TRAK1: variants seen among roughly 807,000 people sequenced by gnomAD.
TRAK1 encodes trafficking kinesin protein 1, also known as trafficking kinesin-binding protein 1.
Under a neutral mutation model 92.1 loss-of-function variants are expected in TRAK1, and 33 were observed. The ratio of observed to expected loss-of-function variants is 0.36; its 90% CI spans 0.27 to 0.48. TRAK1 has a LOEUF of 0.48. Ranked by LOEUF, TRAK1 falls within the 20% of genes least tolerant of loss-of-function variation. The probability of loss-of-function intolerance (pLI) is 0.99; values close to 1 mark genes in which losing one functional copy is unlikely to be tolerated. For missense variants in TRAK1, 1,123 were observed against 1,257.9 expected (o/e 0.89, Z 1.62); for synonymous variants, 521 against 517.3 (o/e 1.01, Z -0.10).
chr3:42,096,306 G>T (rs1705903081), intron 1 of TRAK1, among the ~76,000 whole-genome samples: 1 of 152,160 alleles, frequency 6.6e-6, no homozygotes, highest in Admixed American at 6.5e-5. Flanking sequence ...AGGCTGGAGT[G>T]TAGTAGTGTG....
At chr3:42,199,451 T>C (rs994414831) in intron 11 of TRAK1, among the ~76,000 whole-genome samples, 198 bp downstream of exon 11, 15 of 152,190 alleles carry the variant, frequency 9.9e-5, no homozygotes, top group African/African-American at 3.4e-4. Flanking sequence ...TTAGTGTTAA[T>C]TTTTATTTAT....
intron 1 of TRAK1, among the ~76,000 whole-genome samples, chr3:42,115,135 A>G (rs1709009487): frequency 6.6e-6 from 1 of 152,236 alleles, no homozygotes; most frequent in Non-Finnish European, 1.5e-5. Context: ...ATTCTCCTGG[A>G]GATTTAACTC....
chr3:42,037,067 A>G lies in TRAK1; in HGVS notation c.-519+22950A>G, dbSNP rs1353212345. On this transcript the variant is annotated intron_variant, in intron 1 of 16. Coordinates refer to the TRAK1 transcript ENST00000487159. ...GATCTCATACTCTTAGGCTCCAGCT[A>G]TCTTCCCACCTTGGCCTCCCAAAGC... Among the ~76,000 whole-genome samples, 7 of 152,142 alleles carry G rather than the reference A, an allele frequency of 4.6e-5. No homozygotes were observed. The South Asian group carries it at 6.2e-4, about 13-fold the overall frequency.
intron 11 of TRAK1, 28 bp from the exon 12 acceptor site, chr3:42,200,786 GCTCA>G: frequency 6.2e-7 from 1 of 1,609,350 alleles, no homozygotes; most frequent in Non-Finnish European, 8.5e-7. Flanking sequence ...GCCCGCATTT[GCTCA>G]CTCACGGATG....
At chr3:42,122,037 C>T (rs1559796073) in intron 1 of TRAK1, among the ~76,000 whole-genome samples, 1 of 152,028 alleles carries the variant, frequency 6.6e-6, no homozygotes, top group African/African-American at 2.4e-5. Flanking sequence ...AGTCAGGTCT[C>T]GAATTCCTGA....
intron 1 of TRAK1, among the ~76,000 whole-genome samples, chr3:42,043,485 C>T (rs903159066): frequency 6.6e-6 from 1 of 152,082 alleles, no homozygotes; most frequent in African/African-American, 2.4e-5. Flanking sequence ...CCTGCTCTGA[C>T]CTCATCCCCT....
In TRAK1 at chr3:42,055,150, C is replaced by T. The variant is rs1323309388; in HGVS notation, c.-518-31954C>T. ...GGCCAGGCTGGCCTCAAACTCCTGA[C>T]CTCAAGTGGTCTGTCCTCCTTGGCC... is the stretch of plus-strand genomic sequence containing the variant. On this transcript the variant is annotated intron_variant, in intron 1 of 16. Transcript: ENST00000487159. Among the ~76,000 whole-genome samples the T allele has an allele frequency of 6.6e-5, 10 of 151,986 alleles. 1 individual carries two copies. The highest frequency in any genetic ancestry group is 5.2e-4 in the Admixed American group (8 of 15,248).
At position 42,223,869 on chromosome 3, in the gene TRAK1, A is replaced by C; in HGVS notation, c.*132A>C. 3.7e-6 allele frequency: 4 copies of C among 1,068,022 alleles called. No individual in the cohort carries two copies. Among genetic ancestry groups the C allele is most frequent in the African/African-American group, 1.6e-5 (1 of 62,100 alleles). 66.2% of individuals were successfully genotyped at this position (1,068,022 alleles called of 1,614,324 possible). ...GTCCACCCCCTCCTAAGCTAGACAA[A>C]TCAACCTCGTGCCTAATGGAGGAAG... On this transcript the variant is annotated 3_prime_UTR_variant, in exon 16 of 16. Coordinates refer to ENST00000327628, the MANE Select transcript of TRAK1 (RefSeq NM_001042646.3). The surrounding 1 kb of genome is among the most constrained non-coding windows in gnomAD (Gnocchi z 6.1).
chr3:42,213,322 G>T (rs1448127522), intron 14 of TRAK1, among the ~76,000 whole-genome samples: 3 of 152,166 alleles, frequency 2.0e-5, no homozygotes, highest in East Asian at 1.9e-4. Flanking sequence ...CTCCCAAAGT[G>T]CTGGGATTCC....
intron 1 of TRAK1, among the ~76,000 whole-genome samples, chr3:42,105,020 T>C (rs1470579263): frequency 6.6e-6 from 1 of 151,468 alleles, no homozygotes. Flanking sequence ...GGCTCGGTCT[T>C]GGCTCACCGC....
Position 42,110,094 on chromosome 3 carries a change from G to GTATATATATATATATATATATA in TRAK1, c.92-15309_92-15288dup, listed in dbSNP as rs375315730. On this transcript the variant is annotated intron_variant, in intron 1 of 15. Coordinates refer to ENST00000327628, the MANE Select transcript of TRAK1 (RefSeq NM_001042646.3). ...GTGCACATGTACCCTAGAACTTAAA[G>GTATATATATATATATATATATA]TATATATATATATATATATATATAT... Among the ~76,000 whole-genome samples, 236 of 83,150 alleles carry GTATATATATATATATATATATA rather than the reference G, an allele frequency of 2.8e-3. 4 individuals carry two copies. The highest frequency in any genetic ancestry group is 3.4e-3 in the Non-Finnish European group (146 of 43,184). The allele number at this position is 83,150 out of a possible 152,430, so 54.5% of individuals were successfully genotyped here. A position where few individuals can be genotyped will look rare whatever the true frequency, so the allele number is the denominator to read the frequency against.
chr3:42,223,883 T>A lies in TRAK1; in HGVS notation c.*146T>A. ...AAGCTAGACAAATCAACCTCGTGCC[T>A]AATGGAGGAAGTGTGGAAACTTTGT... On this transcript the variant is annotated 3_prime_UTR_variant, in exon 16 of 16. Coordinates refer to ENST00000327628, the MANE Select transcript of TRAK1 (RefSeq NM_001042646.3). This position sits in a 1 kb window ranked among gnomAD's most constrained non-coding sequence, Gnocchi z 6.1. 1 of 911,500 alleles carries A rather than the reference T, an allele frequency of 1.1e-6. No individual in the cohort carries two copies. The highest frequency in any genetic ancestry group is 1.7e-6 in the Non-Finnish European group (1 of 601,318). 56.5% of individuals were successfully genotyped at this position (911,500 alleles called of 1,614,324 possible).
At position 42,225,145 on chromosome 3, in the gene TRAK1, T is replaced by TA. The variant is rs1710670714; in HGVS notation, c.*1408_*1409insA. 1.3e-5 allele frequency: 2 copies of TA among 152,364 alleles called. No individual in the cohort carries two copies. The highest frequency in any genetic ancestry group is 2.1e-4 in the South Asian group (1 of 4,826). The allele number at this position is 152,364 out of a possible 1,614,324, so 9.4% of individuals were successfully genotyped here. A position where few individuals can be genotyped will look rare whatever the true frequency, so the allele number is the denominator to read the frequency against. On this transcript the variant is annotated 3_prime_UTR_variant, in exon 16 of 16. Coordinates refer to ENST00000327628, the MANE Select transcript of TRAK1 (RefSeq NM_001042646.3). ...CTTCCAGTTTCAGTCATAGTGTGTC[T>TA]GTGGCATTCCAGTCCAACCATGTGA...
intron 1 of TRAK1, among the ~76,000 whole-genome samples, chr3:42,120,444 CA>C (rs1237578470): frequency 1.3e-5 from 2 of 151,950 alleles, no homozygotes; most frequent in Non-Finnish European, 2.9e-5. Context: ...TGTCCATTCA[CA>C]GCAGGAGCTT....
upstream of TRAK1, among the ~76,000 whole-genome samples, chr3:42,084,382 T>G (rs1704575320): frequency 6.6e-6 from 1 of 152,238 alleles, no homozygotes; most frequent in African/African-American, 2.4e-5. Flanking sequence ...GGAGGATCAC[T>G]TAAACCCAGG....
chr3:42,178,283 C>G (rs963679715), intron 3 of TRAK1, among the ~76,000 whole-genome samples: 7 of 152,092 alleles, frequency 4.6e-5, no homozygotes, highest in Non-Finnish European at 1.0e-4. Flanking sequence ...CCGTCCATGC[C>G]CTCTGTGACC....
At chr3:42,210,983 C>T (rs1708957398) in intron 14 of TRAK1, 1 of 985,432 alleles carries the variant, frequency 1.0e-6, no homozygotes, top group Non-Finnish European at 1.2e-6. Flanking sequence ...ACCCCAACAG[C>T]ATGCTCTGTC....
At chr3:42,217,803 T>C (rs1559403614) in intron 14 of TRAK1, 2 of 985,426 alleles carry the variant, frequency 2.0e-6, no homozygotes, top group Non-Finnish European at 2.4e-6. Flanking sequence ...CTAGACCTTA[T>C]TGCGGGAAGA....
chr3:42,195,699 A>G (rs1416938964), intron 10 of TRAK1, among the ~76,000 whole-genome samples: 1 of 152,156 alleles, frequency 6.6e-6, no homozygotes. Flanking sequence ...TAGAATAGCC[A>G]CCACCCCCTC....
Sources: allele counts gnomAD v4.1 joint callset (sites outside exome capture counted in the v4.1 genomes callset), GRCh38; gene constraint gnomAD v4.1.1; non-coding constraint Gnocchi (gnomAD v3.1); transcripts MANE v1.5; gene names NCBI Gene and HGNC (gene_info 2026-07-23, HGNC 2026-07-21).